The following SCN3B variants were observed in gnomAD, a reference collection of about 807,000 sequenced individuals.
The protein encoded by SCN3B is sodium channel regulatory subunit beta-3.
SCN3B carries 11 observed loss-of-function variants against 25.4 expected under a neutral mutation model. The ratio of observed to expected loss-of-function variants is 0.43; its 90% CI spans 0.27 to 0.72. The LOEUF is 0.72. Ranked by LOEUF, SCN3B falls within the 30% of genes least tolerant of loss-of-function variation. The pLI is 0.18. For missense variants in SCN3B, 218 were observed against 278.3 expected (o/e 0.78, Z 1.54); for synonymous variants, 109 against 110.7 (o/e 0.99, Z 0.09).
rs1955799119 is a variant in SCN3B, at chr11:123,642,136, C to A, written c.445+310G>T. On this transcript the variant is annotated intron_variant, in intron 4 of 6. Coordinates refer to ENST00000299333, the MANE Select transcript of SCN3B (RefSeq NM_001040151.2). This position sits in a 1 kb window ranked among gnomAD's most constrained non-coding sequence, Gnocchi z 4.3. ...TTCAACATAGGCCAAAGAAGAAGGC[C>A]TAGCTGAATCAGTAGCTTTAGGCCT... Among the ~76,000 whole-genome samples the A allele has an allele frequency of 6.6e-6, 1 of 152,162 alleles. No individual in the cohort carries two copies. The highest frequency in any genetic ancestry group is 1.5e-5 in the Non-Finnish European group (1 of 68,028).
At chr11:123,638,604 C>A (rs1955754978) in intron 4 of SCN3B, 1 of 464,168 alleles carries the variant, frequency 2.2e-6, no homozygotes. Context: ...GCTGGCTGTC[C>A]ATTTTGCTAT....
At chr11:123,652,787 C>T (rs1955942329) in intron 2 of SCN3B, among the ~76,000 whole-genome samples, 1 of 150,830 alleles carries the variant, frequency 6.6e-6, no homozygotes, top group African/African-American at 2.5e-5. Context: ...CATACACATA[C>T]TACTACACTC....
At chr11:123,653,987 G>A (rs1236492629) in intron 1 of SCN3B, 161 bp from the exon 2 acceptor site, 24 of 662,744 alleles carry the variant, frequency 3.6e-5, no homozygotes, top group South Asian at 8.9e-5. Context: ...CCGGGTGGGG[G>A]CTTTGGGCCC....
At chr11:123,653,325 G>GTTTT (rs3862615) in intron 2 of SCN3B, among the ~76,000 whole-genome samples, 5 of 145,364 alleles carry the variant, frequency 3.4e-5, no homozygotes, top group Admixed American at 6.8e-5. Context: ...AGCTTTTATG[G>GTTTT]TTTTTTTTTT....
chr11:123,646,018 C>T (rs911174199), intron 2 of SCN3B, among the ~76,000 whole-genome samples: 7 of 152,088 alleles, frequency 4.6e-5, no homozygotes, highest in South Asian at 2.1e-4. Flanking sequence ...GATGCAGCAC[C>T]GTACATTATA....
chr11:123,641,610 C>T (rs1050905179), intron 4 of SCN3B, among the ~76,000 whole-genome samples: 1 of 152,080 alleles, frequency 6.6e-6, no homozygotes, highest in Non-Finnish European at 1.5e-5. Context: ...GGAACTCCCC[C>T]CTCAGGATGC....
At chr11:123,644,833 A>ATT (rs1955834992) in intron 3 of SCN3B, among the ~76,000 whole-genome samples, 1 of 145,482 alleles carries the variant, frequency 6.9e-6, no homozygotes, top group African/African-American at 2.5e-5. Context: ...ATATATATAT[A>ATT]TATATATACA....
Position 123,630,029 on chromosome 11 carries a change from G to C in SCN3B, c.*3770C>G, listed in dbSNP as rs759759272. The C allele has an allele frequency of 6.6e-6, 1 of 152,204 alleles. No homozygotes were observed. Among genetic ancestry groups the C allele is most frequent in the Non-Finnish European group, 1.5e-5 (1 of 68,042 alleles). The allele number at this position is 152,204 out of a possible 1,614,324, so 9.4% of individuals were successfully genotyped here. ...TTTTTTGATCCAATAATTTTGGGGA[G>C]AGAGGAGGGAGTTGCTGTCTCCTAC... On this transcript the variant is annotated 3_prime_UTR_variant, in exon 7 of 7. Transcript: ENST00000299333.
chr11:123,635,921 A>AT (rs1955719608), intron 5 of SCN3B, among the ~76,000 whole-genome samples: 1 of 152,158 alleles, frequency 6.6e-6, no homozygotes, highest in African/African-American at 2.4e-5. Context: ...GGTTAAGACT[A>AT]TTTTTGGCTA....
chr11:123,648,722 G>A (rs1212491845), intron 2 of SCN3B, among the ~76,000 whole-genome samples: 1 of 152,192 alleles, frequency 6.6e-6, no homozygotes, highest in Non-Finnish European at 1.5e-5. Context: ...TCTGTGTGAA[G>A]GCATGTCAAA....
intron 2 of SCN3B, among the ~76,000 whole-genome samples, chr11:123,649,904 A>G (rs1955904467): frequency 6.6e-6 from 1 of 151,992 alleles, no homozygotes; most frequent in South Asian, 2.1e-4. Flanking sequence ...GGGTTTCACT[A>G]TGTTGGCCAG....
At chr11:123,643,204 G>C (rs1307335434) in intron 3 of SCN3B, among the ~76,000 whole-genome samples, 1 of 152,208 alleles carries the variant, frequency 6.6e-6, no homozygotes, top group African/African-American at 2.4e-5. Context: ...CTCATCAGGG[G>C]CTGTAGGACA....
At chr11:123,648,553 G>A (rs1255894854) in intron 2 of SCN3B, among the ~76,000 whole-genome samples, 2 of 152,118 alleles carry the variant, frequency 1.3e-5, no homozygotes, top group East Asian at 3.8e-4. Flanking sequence ...TCCAATGGAG[G>A]GAGAGGGAAA....
intron 2 of SCN3B, among the ~76,000 whole-genome samples, chr11:123,646,996 A>G (rs1329962337): frequency 2.6e-5 from 4 of 152,216 alleles, no homozygotes; most frequent in Admixed American, 6.5e-5. Context: ...GACACAGAAC[A>G]TATCTGTCTT....
At chr11:123,652,992 T>G (rs1955944674) in intron 2 of SCN3B, among the ~76,000 whole-genome samples, 1 of 152,204 alleles carries the variant, frequency 6.6e-6, no homozygotes. Flanking sequence ...CCTTTACTGT[T>G]CCAAGTGTAA....
intron 4 of SCN3B, chr11:123,640,620 G>T (rs536178994): frequency 6.6e-6 from 1 of 152,232 alleles, no homozygotes; most frequent in Non-Finnish European, 1.5e-5. Context: ...TTTTCACCCT[G>T]CTTCCAGCGC....
At chr11:123,646,860 A>G (rs1168871710) in intron 2 of SCN3B, among the ~76,000 whole-genome samples, 1 of 152,222 alleles carries the variant, frequency 6.6e-6, no homozygotes, top group African/African-American at 2.4e-5. Context: ...TGATCAGTTC[A>G]GGATGTCACA....
In SCN3B at chr11:123,630,665, T is replaced by G. The variant is rs1955660406; in HGVS notation, c.*3134A>C. 6.6e-6 allele frequency: 1 copy of G among 152,266 alleles called. No homozygotes were observed. The highest frequency in any genetic ancestry group is 2.4e-5 in the African/African-American group (1 of 41,436). The allele number at this position is 152,266 out of a possible 1,614,324, so 9.4% of individuals were successfully genotyped here. On this transcript the variant is annotated 3_prime_UTR_variant, in exon 7 of 7. Coordinates refer to ENST00000299333, the MANE Select transcript of SCN3B (RefSeq NM_001040151.2). ...TTATCAAATCTCCCAGGAAGGAGTT[T>G]AATTGCAATTCAGGAGAAATAATGA...
intron 4 of SCN3B, chr11:123,640,539 G>A (rs1242189677): frequency 1.3e-5 from 2 of 152,116 alleles, no homozygotes; most frequent in Non-Finnish European, 2.9e-5. Context: ...AAAGTGGCAG[G>A]GGGTTGGGGT....
Sources: allele counts gnomAD v4.1 joint callset (sites outside exome capture counted in the v4.1 genomes callset), GRCh38; gene constraint gnomAD v4.1.1; non-coding constraint Gnocchi (gnomAD v3.1); transcripts MANE v1.5; gene names NCBI Gene and HGNC (gene_info 2026-07-23, HGNC 2026-07-21).